CCDC125: variants seen among roughly 807,000 people sequenced by gnomAD.
CCDC125 encodes coiled-coil domain-containing protein 125.
CCDC125 carries 43 observed loss-of-function variants against 57.4 expected under a neutral mutation model. The observed-to-expected ratio is 0.75, with a 90% CI of 0.59 to 0.97. The LOEUF (loss-of-function observed/expected upper bound fraction) is 0.97. CCDC125 is among the 50% of genes least tolerant of loss of function. The pLI is 0.00. For missense variants in CCDC125, 563 were observed against 595.7 expected, an observed-to-expected ratio of 0.95 and a Z score of 0.57; for synonymous variants, 187 against 195.2, an observed-to-expected ratio of 0.96 and a Z score of 0.35.
At chr5:69,297,508 C>T (rs1478630364) in intron 8 of CCDC125, among the ~76,000 whole-genome samples, 1 of 151,540 alleles carries the variant, frequency 6.6e-6, no homozygotes, top group African/African-American at 2.4e-5. Context: ...TACAGGCATA[C>T]ACCACCACGC....
At chr5:69,328,417 G>C (rs1367608195) in intron 1 of CCDC125, among the ~76,000 whole-genome samples, 3 of 152,004 alleles carry the variant, frequency 2.0e-5, no homozygotes, top group African/African-American at 4.8e-5. Context: ...TAGAGTTATA[G>C]TGTATTTAAC....
chr5:69,293,122 G>T (rs541696360), intron 9 of CCDC125, among the ~76,000 whole-genome samples: 79 of 149,914 alleles, frequency 5.3e-4, no homozygotes, highest in African/African-American at 1.6e-3. Context: ...TTACAGGCAT[G>T]AGCCACTGCG....
At chr5:69,306,137 G>C (rs1380482293) in intron 6 of CCDC125, among the ~76,000 whole-genome samples, 1 of 148,864 alleles carries the variant, frequency 6.7e-6, no homozygotes, top group Non-Finnish European at 1.5e-5. Flanking sequence ...ATGTCATCTA[G>C]GCTGGTTTTG....
rs1752431252 is a variant in CCDC125 at position 69,280,839 on chromosome 5, T to C, written c.*1890A>G. ...TTTTGGAGATGGGGGTCTCACTCTG[T>C]CACTCAGGCTGGAGTGCAGTGGCAC... On this transcript the variant is annotated 3_prime_UTR_variant, in exon 12 of 12. Coordinates refer to ENST00000396496, the MANE Select transcript of CCDC125 (RefSeq NM_176816.5). The C allele has an allele frequency of 6.6e-6, 1 of 152,542 alleles. No homozygotes were observed. The highest frequency in any genetic ancestry group is 1.5e-5 in the Non-Finnish European group (1 of 68,312). The allele number at this position is 152,542 out of a possible 1,614,324, so 9.4% of individuals were successfully genotyped here.
At chr5:69,313,364 A>C in intron 3 of CCDC125, 4 of 1,401,344 alleles carry the variant, frequency 2.9e-6, no homozygotes, top group Non-Finnish European at 4.0e-6. Flanking sequence ...AGGTGGCCAG[A>C]AGGGGCTCAC....
downstream of CCDC125, among the ~76,000 whole-genome samples, chr5:69,278,951 C>T (rs1752334180): frequency 6.6e-6 from 1 of 150,748 alleles, no homozygotes; most frequent in Non-Finnish European, 1.5e-5. Flanking sequence ...ACTGTAACCT[C>T]TGCATCCTGG....
At chr5:69,327,592 G>T (rs537476205) in intron 1 of CCDC125, among the ~76,000 whole-genome samples, 1 of 152,320 alleles carries the variant, frequency 6.6e-6, no homozygotes, top group South Asian at 2.1e-4. Flanking sequence ...GACTCGAGAG[G>T]TCTGGGTTCA....
intron 3 of CCDC125, 91 bp downstream of exon 3, chr5:69,313,894 A>G: frequency 1.0e-6 from 1 of 958,900 alleles, no homozygotes; most frequent in Non-Finnish European, 1.7e-6. Flanking sequence ...CAAAAAGGAG[A>G]GGGCATGGAG....
In CCDC125 at chr5:69,306,896, T is replaced by C; in HGVS notation, c.538A>G (p.Asn180Asp). 6.6e-7 allele frequency: 1 copy of C among 1,506,552 alleles called. No individual in the cohort carries two copies. Among genetic ancestry groups the C allele is most frequent in the Non-Finnish European group, 8.8e-7 (1 of 1,132,790 alleles). The allele number at this position is 1,506,552 out of a possible 1,614,324, so 93.3% of individuals were successfully genotyped here. A position where few individuals can be genotyped will look rare whatever the true frequency, so the allele number is the denominator to read the frequency against. The change falls in exon 6 of 12, where the codon AAT becomes GAT. Residue 180 changes from asparagine (N) to aspartate (D), a missense_variant. By Grantham distance (23) the Asn-to-Asp change is conservative (BLOSUM62 1). Coordinates refer to ENST00000396496, the MANE Select transcript of CCDC125 (RefSeq NM_176816.5). ...EQNRSLEKEI[N>D]ALQWEIEFDH... ...AATTCTATTTCCCACTGCAAGGCATTTATTTCCTATGGAAAGAAAATAGTA... is the reference window on the plus strand; with the variant it reads ...AATTCTATTTCCCACTGCAAGGCATCTATTTCCTATGGAAAGAAAATAGTA...
chr5:69,279,404 G>A (rs1396733413), downstream of CCDC125, among the ~76,000 whole-genome samples: 1 of 152,084 alleles, frequency 6.6e-6, no homozygotes, highest in African/African-American at 2.4e-5. Context: ...CACTGTGTTA[G>A]CCAGGATGGT....
Position 69,320,596 on chromosome 5 carries a change from A to G in CCDC125, c.-40-16T>C. On this transcript the variant is annotated splice_polypyrimidine_tract_variant and intron_variant, in intron 1 of 11. Transcript: ENST00000396496. ...AATGGGCTGTCTGTAGTTAAGAAAAACAGTAGTTAGGAAAACATCAGTAGA... is the reference window on the plus strand; with the variant it reads ...AATGGGCTGTCTGTAGTTAAGAAAAGCAGTAGTTAGGAAAACATCAGTAGA... 1.6e-6 allele frequency: 2 copies of G among 1,230,366 alleles called. No individual in the cohort carries two copies. Among genetic ancestry groups the G allele is most frequent in the Non-Finnish European group, 2.3e-6 (2 of 870,516 alleles). The allele number at this position is 1,230,366 out of a possible 1,614,324, so 76.2% of individuals were successfully genotyped here.
intron 11 of CCDC125, among the ~76,000 whole-genome samples, chr5:69,283,721 C>T (rs1752831785): frequency 6.6e-6 from 1 of 151,902 alleles, no homozygotes; most frequent in Non-Finnish European, 1.5e-5. Flanking sequence ...CTCCTGGCCT[C>T]AAGTGATCCA....
chr5:69,285,324 CAA>C lies in CCDC125; in HGVS notation c.1230+11_1230+12del, dbSNP rs1431926725. ...CTTAACCATAACCTGCAAAAAAAAG[CAA>C]AGACACTAACCAAATCTATGAGCAT... is the stretch of plus-strand genomic sequence containing the variant. On this transcript the variant is annotated intron_variant, in intron 11 of 11. Coordinates refer to ENST00000396496, the MANE Select transcript of CCDC125 (RefSeq NM_176816.5). 3.7e-6 allele frequency: 6 copies of C among 1,608,786 alleles called. No homozygotes were observed. Among genetic ancestry groups the C allele is most frequent in the African/African-American group, 1.3e-5 (1 of 74,582 alleles).
intron 8 of CCDC125, among the ~76,000 whole-genome samples, chr5:69,296,511 C>T (rs937648655): frequency 6.6e-6 from 1 of 151,432 alleles, no homozygotes; most frequent in Non-Finnish European, 1.5e-5. Context: ...GAAATCATGC[C>T]TTGCACTCCA....
intron 10 of CCDC125, among the ~76,000 whole-genome samples, chr5:69,288,903 C>T (rs562512386): frequency 4.6e-5 from 7 of 152,334 alleles, no homozygotes; most frequent in Admixed American, 1.3e-4. Context: ...AAGCGCTGAG[C>T]TGAGTGGTAA....
At chr5:69,320,048 G>C (rs1759768935) in intron 2 of CCDC125, among the ~76,000 whole-genome samples, 189 bp downstream of exon 2, 2 of 152,092 alleles carry the variant, frequency 1.3e-5, no homozygotes, top group Non-Finnish European at 2.9e-5. Flanking sequence ...TTGAACCCGG[G>C]GGGTGGAGGT....
intron 8 of CCDC125, among the ~76,000 whole-genome samples, chr5:69,298,611 G>A (rs1755817001): frequency 1.3e-5 from 2 of 152,082 alleles, no homozygotes; most frequent in Non-Finnish European, 2.9e-5. Context: ...CAATCACAAC[G>A]GGTTGCGGCC....
intron 8 of CCDC125, 131 bp from the exon 9 acceptor site, chr5:69,295,031 G>A: frequency 6.8e-6 from 4 of 588,382 alleles, no homozygotes; most frequent in Non-Finnish European, 5.8e-6. Flanking sequence ...AACTGGAAAG[G>A]AAAAACAAAA....
chr5:69,329,633 G>C (rs10940218), intron 1 of CCDC125, among the ~76,000 whole-genome samples: 53,997 of 151,004 alleles, frequency 0.36, 10,608 homozygotes, highest in East Asian at 0.5. Flanking sequence ...CTCCTGAGTA[G>C]CTGGGATTAC....
Sources: gnomAD v4.1 joint callset for allele counts (sites outside exome capture counted in the v4.1 genomes callset) on GRCh38, gnomAD v4.1.1 for gene constraint, MANE v1.5 for transcripts, NCBI Gene and HGNC (gene_info 2026-07-23, HGNC 2026-07-21) for gene names.